Variants in DNAH9 observed in about 807,000 individuals in gnomAD.
DNAH9 encodes DNAH9 variant protein.
In DNAH9, 345 loss-of-function variants were observed where a neutral mutation model predicts 471.6. The observed-to-expected ratio is 0.73, with a 90% confidence interval of 0.67 to 0.80. The LOEUF is 0.80. DNAH9 is among the 30% of genes least tolerant of loss of function. The pLI is 0.00. For missense variants in DNAH9, 5,407 were observed against 5,609.2 expected (o/e 0.96, Z 1.15); for synonymous variants, 2,093 against 2,123.6 (o/e 0.99, Z 0.40).
chr17:11,680,965 C>A (rs563500755), intron 19 of DNAH9, 76 bp downstream of exon 19: 3 of 1,334,790 alleles, frequency 2.2e-6, no homozygotes, highest in African/African-American at 1.5e-5. Context: ...TTTTGTGGGG[C>A]GTGTGTATTC....
intron 68 of DNAH9, among the ~76,000 whole-genome samples, chr17:11,967,147 C>T (rs1266878483): frequency 5.9e-5 from 9 of 151,674 alleles, no homozygotes. Context: ...AACTTTGCCA[C>T]CCAGGCGGGA....
At chr17:11,603,006 TTCATGA>T (rs1378797153) in intron 1 of DNAH9, among the ~76,000 whole-genome samples, 2 of 152,176 alleles carry the variant, frequency 1.3e-5, no homozygotes, top group African/African-American at 4.8e-5. Context: ...GCCATGCTCC[TTCATGA>T]TCATCATACC....
intron 54 of DNAH9, 113 bp downstream of exon 54, chr17:11,880,313 T>C (rs1972669699): frequency 7.4e-7 from 1 of 1,357,752 alleles, no homozygotes. Flanking sequence ...TCATGTCAAG[T>C]AGCTCCCTGC....
chr17:11,871,856 A>G (rs1972277819), intron 52 of DNAH9, 70 bp downstream of exon 52: 1 of 1,527,418 alleles, frequency 6.5e-7, no homozygotes, highest in East Asian at 2.3e-5. Flanking sequence ...TCACGGTCAT[A>G]ATTCGCATCC....
rs911253229 is a variant in DNAH9 at position 11,749,124 on chromosome 17, G to A, written c.6610+1358G>A. ...TTTTGAGACAGAGACTCACTCTGTC[G>A]CCCAGGCTGGAATGCAGTGGCACAA... On this transcript the variant is annotated intron_variant, in intron 32 of 68. Transcript: ENST00000262442. Among the ~76,000 whole-genome samples, 13 of 120,936 alleles carry A rather than the reference G, an allele frequency of 1.1e-4. 1 individual carries two copies. Among genetic ancestry groups the A allele is most frequent in the Admixed American group, 2.1e-4 (2 of 9,448 alleles). 79.3% of individuals were successfully genotyped at this position (120,936 alleles called of 152,430 possible).
chr17:11,716,271 C>T (rs927786920), intron 26 of DNAH9, among the ~76,000 whole-genome samples: 3 of 151,872 alleles, frequency 2.0e-5, no homozygotes, highest in African/African-American at 7.3e-5. Flanking sequence ...TCAGTAAAGA[C>T]GGTTTCACCA....
chr17:11,712,799 A>ATAT (rs774666575), intron 26 of DNAH9, among the ~76,000 whole-genome samples: 2 of 150,504 alleles, frequency 1.3e-5, no homozygotes, highest in Non-Finnish European at 3.0e-5. Flanking sequence ...AATTCTTTGT[A>ATAT]TATTCTGGAT....
intron 28 of DNAH9, 148 bp from the exon 29 acceptor site, chr17:11,738,732 G>A (rs2075389985): frequency 8.8e-6 from 6 of 682,176 alleles, no homozygotes; most frequent in Non-Finnish European, 1.5e-5. Context: ...TAAAGGGTCT[G>A]GGGTGTGGTC....
intron 43 of DNAH9, among the ~76,000 whole-genome samples, chr17:11,800,967 A>G (rs986738483): frequency 6.6e-6 from 1 of 152,196 alleles, no homozygotes; most frequent in African/African-American, 2.4e-5. Context: ...GATCCTAATT[A>G]TAACTAGGGT....
intron 55 of DNAH9, chr17:11,882,975 A>T: frequency 5.1e-6 from 5 of 985,520 alleles, no homozygotes; most frequent in Non-Finnish European, 6.0e-6. Context: ...CTTCCCACGA[A>T]TCCAAAGGCT....
chr17:11,759,093 TTTTTTC>T (rs1342498370), intron 35 of DNAH9, among the ~76,000 whole-genome samples: 48 of 28,582 alleles, frequency 1.7e-3, no homozygotes, highest in Middle Eastern at 0.019. Context: ...GTTCTTTTTT[TTTTTTC>T]TTTTTTTGAG....
At position 11,929,978 on chromosome 17, in the gene DNAH9, C is replaced by T. The variant is rs1423935492; in HGVS notation, c.11990C>T (p.Ser3997Phe). 3.7e-6 allele frequency: 6 copies of T among 1,614,074 alleles called. No homozygotes were observed. The highest frequency in any genetic ancestry group is 1.7e-4 in the Middle Eastern group (1 of 6,060). The change falls in exon 63 of 69, where the codon TCC (serine) becomes TTC (phenylalanine). Residue 3997 changes from serine (S) to phenylalanine (F), a missense_variant. Physicochemically the swap from Ser to Phe is radical, Grantham distance 155 (BLOSUM62 -2). Coordinates refer to ENST00000262442, the MANE Select transcript of DNAH9 (RefSeq NM_001372.4). ...RVFMSAEPAP[S>F]PEGHIIPQGI... ...TTCATGAGTGCAGAGCCAGCACCCT[C>T]CCCTGAGGGCCACATCATCCCCCAG...
At chr17:11,611,220 A>T (rs1317736715) in intron 3 of DNAH9, among the ~76,000 whole-genome samples, 1 of 152,204 alleles carries the variant, frequency 6.6e-6, no homozygotes, top group Non-Finnish European at 1.5e-5. Flanking sequence ...ATGACCAGAC[A>T]TGCCTGTAGG....
chr17:11,786,558 C>G (rs945216460), intron 41 of DNAH9, among the ~76,000 whole-genome samples: 1 of 152,156 alleles, frequency 6.6e-6, no homozygotes. Flanking sequence ...CACAACAACC[C>G]TAGAAGGTAA....
chr17:11,886,240 C>T (rs1387469663), intron 56 of DNAH9, among the ~76,000 whole-genome samples: 1 of 152,140 alleles, frequency 6.6e-6, no homozygotes, highest in African/African-American at 2.4e-5. Flanking sequence ...AGGAGAATCG[C>T]TTGAACCCAG....
intron 55 of DNAH9, among the ~76,000 whole-genome samples, chr17:11,882,616 C>A (rs1972765057): frequency 6.6e-6 from 1 of 150,918 alleles, no homozygotes; most frequent in Admixed American, 6.6e-5. Flanking sequence ...ACAAAGAAAA[C>A]CATGTCCCAG....
chr17:11,908,808 GTGGGCAGAGC>G (rs1261569900), intron 61 of DNAH9, among the ~76,000 whole-genome samples: 2 of 152,226 alleles, frequency 1.3e-5, no homozygotes, highest in Non-Finnish European at 2.9e-5. Flanking sequence ...AGTCTTTGAT[GTGGGCAGAGC>G]CTTCCGCGGA....
At chr17:11,786,162 A>G (rs780435116) in intron 41 of DNAH9, among the ~76,000 whole-genome samples, 2 of 152,206 alleles carry the variant, frequency 1.3e-5, no homozygotes, top group African/African-American at 4.8e-5. Context: ...AGAAGCATCA[A>G]TTATGCTCCA....
chr17:11,770,887 G>A (rs1968180001), intron 38 of DNAH9, among the ~76,000 whole-genome samples: 1 of 151,970 alleles, frequency 6.6e-6, no homozygotes, highest in Non-Finnish European at 1.5e-5. Context: ...CAATTTCCAT[G>A]GTGTAAATAC....
Sources: allele counts gnomAD v4.1 joint callset (sites outside exome capture counted in the v4.1 genomes callset), GRCh38; gene constraint gnomAD v4.1.1; transcripts MANE v1.5; gene names NCBI Gene and HGNC (gene_info 2026-07-23, HGNC 2026-07-21).